CLUL1: variants seen among roughly 807,000 people sequenced by gnomAD.
CLUL1 encodes clusterin-like protein 1.
Under a neutral mutation model 49.4 loss-of-function variants are expected in CLUL1, and 43 were observed. The ratio of observed to expected loss-of-function variants is 0.87; its 90% CI spans 0.68 to 1.12. The LOEUF (loss-of-function observed/expected upper bound fraction) is 1.12, where lower values mean the gene tolerates loss of function less well. Among genes scored for constraint, CLUL1 ranks in the 50% most tolerant of loss-of-function variants. The probability of loss-of-function intolerance (pLI) is 0.00; values close to 1 mark genes in which losing one functional copy is unlikely to be tolerated. For synonymous variants in CLUL1, 192 were observed against 184.9 expected, an observed-to-expected ratio of 1.04 and a Z score of -0.31; for missense variants, 486 against 544.4, an observed-to-expected ratio of 0.89 and a Z score of 1.07.
intron 5 of CLUL1, among the ~76,000 whole-genome samples, chr18:626,725 G>A (rs1040494302): frequency 3.3e-5 from 5 of 150,110 alleles, no homozygotes. Flanking sequence ...GCCAGGCATG[G>A]CGGTGTGCAA....
intron 9 of CLUL1, among the ~76,000 whole-genome samples, chr18:648,422 A>C (rs950898345): frequency 6.6e-6 from 1 of 152,210 alleles, no homozygotes; most frequent in Non-Finnish European, 1.5e-5. Context: ...CAAAATCACA[A>C]CTACCAAACA....
intron 9 of CLUL1, among the ~76,000 whole-genome samples, chr18:646,820 G>C (rs1214225528): frequency 6.6e-6 from 1 of 151,304 alleles, no homozygotes; most frequent in Non-Finnish European, 1.5e-5. Context: ...CACGATCTCG[G>C]CTCACTGCAA....
intron 9 of CLUL1, among the ~76,000 whole-genome samples, chr18:649,160 C>T (rs2074603442): frequency 6.6e-6 from 1 of 152,024 alleles, no homozygotes; most frequent in African/African-American, 2.4e-5. Flanking sequence ...GGGTCCCAAA[C>T]CTGCCAAAGT....
chr18:631,909 C>T (rs1169192779), intron 6 of CLUL1, among the ~76,000 whole-genome samples: 1 of 152,090 alleles, frequency 6.6e-6, no homozygotes, highest in South Asian at 2.1e-4. Context: ...CTATACAGGG[C>T]AAAGAAGAGG....
Position 649,879 on chromosome 18 carries a change from C to CTTTT in CLUL1, c.1398-7_1398-4dup. On this transcript the variant is annotated intron_variant, in intron 9 of 9. Transcript: ENST00000692774. Reference sequence around the variant, plus strand: ...TTATTAGTATTTTGATCATTGCTGCCTTTTTTTTTTTTTTTAAGGTAAGAA... The same window carrying CTTTT: ...TTATTAGTATTTTGATCATTGCTGCCTTTTTTTTTTTTTTTTTTTAAGGTAAGAA... The CTTTT allele has an allele frequency of 2.2e-5, 25 of 1,154,630 alleles. No homozygotes were observed. Among genetic ancestry groups the CTTTT allele is most frequent in the South Asian group, 4.3e-5 (3 of 70,250 alleles). The allele number at this position is 1,154,630 out of a possible 1,614,324, so 71.5% of individuals were successfully genotyped here. A position where few individuals can be genotyped will look rare whatever the true frequency, so the allele number is the denominator to read the frequency against.
At chr18:601,886 A>G (rs1021636881) in intron 1 of CLUL1, among the ~76,000 whole-genome samples, 2 of 152,160 alleles carry the variant, frequency 1.3e-5, no homozygotes, top group African/African-American at 4.8e-5. Context: ...GAAAAGTATA[A>G]AAAAGTCTTG....
intron 6 of CLUL1, among the ~76,000 whole-genome samples, chr18:628,632 C>CTTTTTTCTT (rs1485139231): frequency 1.1e-3 from 161 of 147,578 alleles, no homozygotes; most frequent in Middle Eastern, 3.5e-3. Flanking sequence ...TTTTCTTTTT[C>CTTTTTTCTT]TTTTTTCTTT....
chr18:641,264 A>T lies in CLUL1; in HGVS notation c.995-63A>T. On this transcript the variant is annotated intron_variant, in intron 7 of 9. Transcript: ENST00000692774. ...AATGTAAGGGCTGGGACTTAAGCCCATGTTGCCCACCTCCAAGTTTCATGG... is the reference window on the plus strand; with the variant it reads ...AATGTAAGGGCTGGGACTTAAGCCCTTGTTGCCCACCTCCAAGTTTCATGG... The T allele has an allele frequency of 3.5e-6, 5 of 1,423,290 alleles. No individual in the cohort carries two copies. The South Asian group carries it at 4.7e-5, about 13-fold the overall frequency. The allele number at this position is 1,423,290 out of a possible 1,614,324, so 88.2% of individuals were successfully genotyped here.
intron 6 of CLUL1, 102 bp from the exon 7 acceptor site, chr18:633,196 A>G (rs1207032950): frequency 2.2e-6 from 2 of 924,250 alleles, no homozygotes; most frequent in East Asian, 2.5e-5. Flanking sequence ...TATAGGAAAA[A>G]GATTTTGAAA....
In CLUL1 at chr18:617,614, A is replaced by AG. The variant is rs1210876668; in HGVS notation, c.-13-374_-13-373insG. ...CCGTCTCAAAAAAAAAAAAAAAAAAAAGAATTTTGGAGGGAAAAAAATCCC... is the reference window on the plus strand; with the variant it reads ...CCGTCTCAAAAAAAAAAAAAAAAAAAGAGAATTTTGGAGGGAAAAAAATCCC... On this transcript the variant is annotated intron_variant, in intron 2 of 9. Coordinates refer to ENST00000692774, the MANE Select transcript of CLUL1 (RefSeq NM_001393344.1). Among the ~76,000 whole-genome samples the AG allele has an allele frequency of 2.9e-3, 432 of 151,366 alleles. 4 individuals are homozygous for AG. The highest frequency in any genetic ancestry group is 0.018 in the Admixed American group (271 of 15,106).
intron 4 of CLUL1, among the ~76,000 whole-genome samples, chr18:623,005 A>G (rs1251057045): frequency 2.0e-5 from 3 of 150,250 alleles, no homozygotes; most frequent in African/African-American, 7.4e-5. Context: ...AAAATCCTGG[A>G]GGTATTGTTA....
chr18:619,776 T>G (rs1215823711), intron 4 of CLUL1, among the ~76,000 whole-genome samples: 1 of 151,980 alleles, frequency 6.6e-6, no homozygotes, highest in Non-Finnish European at 1.5e-5. Context: ...CTGGAGTTGA[T>G]CCCGCTCATT....
At chr18:614,414 G>A (rs895464975) in intron 2 of CLUL1, 2 of 152,132 alleles carry the variant, frequency 1.3e-5, no homozygotes, top group African/African-American at 2.4e-5. Flanking sequence ...GATGACAGCT[G>A]CTATTATATT....
chr18:619,105 C>T (rs2073400293), intron 3 of CLUL1, 108 bp from the exon 4 acceptor site: 1 of 1,067,168 alleles, frequency 9.4e-7, no homozygotes, highest in East Asian at 2.4e-5. Flanking sequence ...GAATATGAGC[C>T]TATAAGAGAA....
chr18:629,386 G>C (rs943545514), intron 6 of CLUL1, among the ~76,000 whole-genome samples: 6 of 152,146 alleles, frequency 3.9e-5, no homozygotes, highest in Non-Finnish European at 8.8e-5. Context: ...TAGAACAAAA[G>C]GGCTCCTCCC....
intron 7 of CLUL1, among the ~76,000 whole-genome samples, chr18:635,358 G>A (rs1038954085): frequency 2.0e-5 from 3 of 152,068 alleles, no homozygotes; most frequent in African/African-American, 4.8e-5. Flanking sequence ...GAATGCCTCC[G>A]CTGATCTGAC....
chr18:636,242 A>G (rs1037453282), intron 7 of CLUL1, among the ~76,000 whole-genome samples: 3 of 152,240 alleles, frequency 2.0e-5, no homozygotes, highest in Non-Finnish European at 4.4e-5. Flanking sequence ...GTCACAACCC[A>G]TCATAAGTTT....
In CLUL1 at chr18:627,369, C is replaced by G. The variant is rs769232173; in HGVS notation, c.696C>G (p.Phe232Leu). 6.2e-7 allele frequency: 1 copy of G among 1,614,134 alleles called. No individual in the cohort carries two copies. The highest frequency in any genetic ancestry group is 8.5e-7 in the Non-Finnish European group (1 of 1,180,022). Reference protein sequence around the residue: ...DLTEPYFFPAFSKEPMTKADL... With the variant: ...DLTEPYFFPALSKEPMTKADL... ...CTGAGCCTTACTTTTTTCCAGCTTT[C>G]TCTAAAGAGCCGATGACAAAAGCAG... is the stretch of plus-strand genomic sequence containing the variant. Residue 232 changes from phenylalanine (F) to leucine (L), a missense_variant, in exon 6 of 10, where the codon TTC becomes TTG. Physicochemically the swap from Phe to Leu is conservative, Grantham distance 22. Transcript: ENST00000692774.
chr18:603,342 T>C (rs370967443), intron 1 of CLUL1, among the ~76,000 whole-genome samples: 50 of 152,108 alleles, frequency 3.3e-4, no homozygotes, highest in African/African-American at 1.1e-3. Flanking sequence ...TGAGACAGAA[T>C]AGACAAGTCA....
Sources: gnomAD v4.1 joint callset for allele counts (sites outside exome capture counted in the v4.1 genomes callset) on GRCh38, gnomAD v4.1.1 for gene constraint, MANE v1.5 for transcripts, NCBI Gene and HGNC (gene_info 2026-07-23, HGNC 2026-07-21) for gene names.